COL18A1: variants seen among roughly 807,000 people sequenced by gnomAD.
COL18A1 encodes collagen alpha-1(XVIII) chain.
In COL18A1, 133 loss-of-function variants were observed where a neutral mutation model predicts 168.0. That is an observed-to-expected ratio of 0.79 (90% confidence interval 0.69 to 0.91). The LOEUF is 0.91. Ranked by LOEUF, COL18A1 falls within the 40% of genes least tolerant of loss-of-function variation. COL18A1 has a pLI of 0.00. For missense variants in COL18A1, 2,126 were observed against 1,925.4 expected (o/e 1.10, Z -1.95); for synonymous variants, 949 against 809.0 (o/e 1.17, Z -2.94).
rs183972309 is a variant in COL18A1, at chr21:45,413,377, C to T, written c.106+7904C>T. ...CCATGACAGGCTTCAACGCCCCTGT[C>T]GCGGGGACCCAGGGAACACCTGTCT... On this transcript the variant is annotated intron_variant, in intron 2 of 41. Transcript: ENST00000651438. Among the ~76,000 whole-genome samples, 6 of 152,370 alleles carry T rather than the reference C, an allele frequency of 3.9e-5. No individual in the cohort carries two copies. In the East Asian group the frequency reaches 1.2e-3, roughly 29 times the overall value.
chr21:45,478,452 T>C, intron 9 of COL18A1, 99 bp downstream of exon 9: 1 of 1,499,390 alleles, frequency 6.7e-7, no homozygotes, highest in Non-Finnish European at 9.3e-7. Context: ...CGCGACCCAG[T>C]GAGGAGACTG....
Position 45,437,325 on chromosome 21 carries a change from CACACACACTCAG to C in COL18A1, c.107-30909_107-30898del, listed in dbSNP as rs1264188169. 1.9e-3 allele frequency among the ~76,000 whole-genome samples: 236 copies of C among 123,628 alleles called. 11 individuals carry two copies. The highest frequency in any genetic ancestry group is 8.2e-3 in the African/African-American group (214 of 26,140). The allele number at this position is 123,628 out of a possible 152,430, so 81.1% of individuals were successfully genotyped here. A position where few individuals can be genotyped will look rare whatever the true frequency, so the allele number is the denominator to read the frequency against. The stretch of plus-strand genomic sequence containing the variant: ...ACTCACACAGGCACTCTCCTGCACA[CACACACACTCAG>C]ACACACAGGCACTCTCCTGCGCACA... On this transcript the variant is annotated intron_variant, in intron 2 of 41. Coordinates refer to ENST00000651438, the MANE Select transcript of COL18A1 (RefSeq NM_001379500.1).
intron 2 of COL18A1, among the ~76,000 whole-genome samples, chr21:45,444,286 T>G (rs2034458072): frequency 1.3e-5 from 2 of 151,872 alleles, no homozygotes; most frequent in Admixed American, 6.6e-5. Context: ...CGGGTGTGCG[T>G]GTGGAGTGAA....
chr21:45,503,578 C>G (rs7281141), intron 32 of COL18A1, among the ~76,000 whole-genome samples: 1 of 142,432 alleles, frequency 7.0e-6, no homozygotes, highest in Admixed American at 7.4e-5. Context: ...TAGGTGGGAA[C>G]TGAACAATGA....
Position 45,493,147 on chromosome 21 carries a change from C to T in COL18A1, c.2215-16C>T. On this transcript the variant is annotated splice_polypyrimidine_tract_variant and intron_variant, in intron 24 of 41. Transcript: ENST00000651438. ...ATGCCAGCCGCTCGGGCCTCACGGCCTGGCCTCCATTCCAGGGACCTGCAG... is the reference window on the plus strand; with the variant it reads ...ATGCCAGCCGCTCGGGCCTCACGGCTTGGCCTCCATTCCAGGGACCTGCAG... The T allele has an allele frequency of 6.4e-7, 1 of 1,553,304 alleles. No homozygotes were observed. Among genetic ancestry groups the T allele is most frequent in the Non-Finnish European group, 8.7e-7 (1 of 1,148,602 alleles).
At position 45,405,383 on chromosome 21, in the gene COL18A1, C is replaced by T. The variant is rs1347058933; in HGVS notation, c.16C>T (p.Pro6Ser). 1.5e-6 allele frequency: 2 copies of T among 1,301,130 alleles called. No homozygotes were observed. The highest frequency in any genetic ancestry group is 1.6e-5 in the African/African-American group (1 of 63,878). 80.6% of individuals were successfully genotyped at this position (1,301,130 alleles called of 1,614,324 possible). A position where few individuals can be genotyped will look rare whatever the true frequency, so the allele number is the denominator to read the frequency against. The change falls in exon 2 of 42, where the codon CCC becomes TCC. Residue 6 changes from proline to serine, a missense_variant. By Grantham distance (74) the Pro-to-Ser change is moderately conservative (BLOSUM62 -1). Coordinates refer to ENST00000651438, the MANE Select transcript of COL18A1 (RefSeq NM_001379500.1). ...ACCCGTGCCTGTCCCGCGCAGGTGCCCCTGGCCATGGCCGCGGCGGCGGCG... is the reference window on the plus strand; with the variant it reads ...ACCCGTGCCTGTCCCGCGCAGGTGCTCCTGGCCATGGCCGCGGCGGCGGCG... MAPRC[P>S]WPWPRRRRLL...
chr21:45,492,412 T>G, intron 22 of COL18A1, 123 bp from the exon 23 acceptor site: 2 of 1,259,142 alleles, frequency 1.6e-6, no homozygotes, highest in South Asian at 2.4e-5. Flanking sequence ...CCAGGAAGAC[T>G]GGAAAGCAAC....
Position 45,510,141 on chromosome 21 carries a change from G to C in COL18A1, c.3573G>C (p.Gln1191His). 1 of 1,599,354 alleles carries C rather than the reference G, an allele frequency of 6.3e-7. No individual in the cohort carries two copies. The highest frequency in any genetic ancestry group is 8.5e-7 in the Non-Finnish European group (1 of 1,173,926). ...GCGGGGCCGACTTCCAGTGCTTCCA[G>C]CAGGCGCGGGCCGTGGGGCTGGCGG... The part of the protein sequence containing the change: ...GIRGADFQCF[Q>H]QARAVGLAGT... Residue 1191 changes from glutamine to histidine, a missense_variant, in exon 40 of 42, where the codon CAG (glutamine) becomes CAC (histidine). Transcript: ENST00000651438.
intron 2 of COL18A1, among the ~76,000 whole-genome samples, chr21:45,447,275 T>C (rs954338098): frequency 6.6e-6 from 1 of 151,766 alleles, no homozygotes; most frequent in East Asian, 1.9e-4. Context: ...CTCTAAAAAG[T>C]TTTTTATTGT....
At chr21:45,432,090 C>T (rs1396026892) in intron 2 of COL18A1, among the ~76,000 whole-genome samples, 1 of 152,238 alleles carries the variant, frequency 6.6e-6, no homozygotes, top group Non-Finnish European at 1.5e-5. Context: ...CACTGGCCTC[C>T]TTCCAGCACT....
chr21:45,495,522 C>T (rs2036499709), intron 29 of COL18A1, 90 bp downstream of exon 29: 4 of 1,125,180 alleles, frequency 3.6e-6, no homozygotes, highest in South Asian at 1.3e-5. Context: ...CAGCTCCTCC[C>T]AGAGGCCACT....
intron 2 of COL18A1, among the ~76,000 whole-genome samples, chr21:45,439,680 C>G (rs932117890): frequency 1.3e-5 from 2 of 152,230 alleles, no homozygotes; most frequent in African/African-American, 4.8e-5. Context: ...GTGTTCAGAG[C>G]GTGTTTTGCC....
At chr21:45,415,574 C>G (rs559448225) in intron 2 of COL18A1, among the ~76,000 whole-genome samples, 2 of 152,160 alleles carry the variant, frequency 1.3e-5, no homozygotes, top group African/African-American at 4.8e-5. Context: ...TGGGAACCAG[C>G]GTGGTGTGGA....
chr21:45,483,646 G>A (rs1411603559), intron 15 of COL18A1, among the ~76,000 whole-genome samples: 2 of 151,926 alleles, frequency 1.3e-5, no homozygotes, highest in East Asian at 1.9e-4. Context: ...CCGCCCACTC[G>A]AATCATGTCC....
intron 20 of COL18A1, 104 bp from the exon 21 acceptor site, chr21:45,490,732 T>A: frequency 7.9e-7 from 1 of 1,263,708 alleles, no homozygotes; most frequent in Non-Finnish European, 1.1e-6. Context: ...CCCCAGCCGG[T>A]CGGGAAATAA....
chr21:45,441,317 G>A (rs576484044), intron 2 of COL18A1, among the ~76,000 whole-genome samples: 4 of 152,298 alleles, frequency 2.6e-5, no homozygotes, highest in African/African-American at 9.6e-5. Context: ...TACTGGGAGA[G>A]GGGGAAGCAA....
In COL18A1 at chr21:45,505,170, C is replaced by T. The variant is rs963190259; in HGVS notation, c.2905C>T (p.Pro969Ser). 2.5e-6 allele frequency: 4 copies of T among 1,607,448 alleles called. No homozygotes were observed. The highest frequency in any genetic ancestry group is 2.2e-5 in the East Asian group (1 of 44,608). The change falls in exon 35 of 42, where the codon CCA (proline) becomes TCA (serine). Residue 969 changes from proline (P) to serine (S), a missense_variant. Pro to Ser is a moderately conservative substitution (Grantham distance 74, BLOSUM62 -1). Transcript: ENST00000651438. ...AGAGAGCATCCGGGGCCAGCCCGGC[C>T]CACCTGGACCTCAGGGACCCCCCGG... The part of the protein sequence containing the change: ...KGESIRGQPG[P>S]PGPQGPPGIG...
At position 45,437,357 on chromosome 21, in the gene COL18A1, C is replaced by CGT. The variant is rs1555972414; in HGVS notation, c.107-30884_107-30883insTG. Among the ~76,000 whole-genome samples, 15 of 38,504 alleles carry CGT rather than the reference C, an allele frequency of 3.9e-4. 1 individual carries two copies. Among genetic ancestry groups the CGT allele is most frequent in the Admixed American group, 2.1e-3 (8 of 3,860 alleles). The allele number at this position is 38,504 out of a possible 152,430, so 25.3% of individuals were successfully genotyped here. On this transcript the variant is annotated intron_variant, in intron 2 of 41. Coordinates refer to ENST00000651438, the MANE Select transcript of COL18A1 (RefSeq NM_001379500.1). ...ACTCAGACACACAGGCACTCTCCTG[C>CGT]GCACACACACACACTCAGACACACA... is the stretch of plus-strand genomic sequence containing the variant.
At chr21:45,480,226 C>T (rs2035844734) in intron 11 of COL18A1, 70 bp downstream of exon 11, 1 of 1,142,448 alleles carries the variant, frequency 8.8e-7, no homozygotes, top group Non-Finnish European at 1.3e-6. Context: ...GCCTCTGGCC[C>T]AGAAGTATCA....
Sources: gnomAD v4.1 joint callset for allele counts (sites outside exome capture counted in the v4.1 genomes callset) on GRCh38, gnomAD v4.1.1 for gene constraint, MANE v1.5 for transcripts, NCBI Gene and HGNC (gene_info 2026-07-23, HGNC 2026-07-21) for gene names.